PLXNC1: variants seen among roughly 807,000 people sequenced by gnomAD.
PLXNC1 encodes plexin-C1.
PLXNC1 carries 75 observed loss-of-function variants against 178.2 expected under a neutral mutation model. The ratio of observed to expected loss-of-function variants is 0.42; its 90% CI spans 0.35 to 0.51. The LOEUF is 0.51. Ranked by LOEUF, PLXNC1 falls within the 20% of genes least tolerant of loss-of-function variation. The probability of loss-of-function intolerance (pLI) is 0.02; values close to 1 mark genes in which losing one functional copy is unlikely to be tolerated. For missense variants in PLXNC1, 1,503 were observed against 1,984.4 expected (o/e 0.76, Z 4.61); for synonymous variants, 790 against 779.9 (o/e 1.01, Z -0.22).
At chr12:94,286,747 C>T (rs1966848818) in intron 23 of PLXNC1, among the ~76,000 whole-genome samples, 1 of 152,124 alleles carries the variant, frequency 6.6e-6, no homozygotes, top group African/African-American at 2.4e-5. Context: ...GTAGTGACGG[C>T]CAGTTCCTCC....
chr12:94,248,154 T>C, intron 13 of PLXNC1, 48 bp downstream of exon 13: 1 of 1,597,822 alleles, frequency 6.3e-7, no homozygotes, highest in Non-Finnish European at 8.6e-7. Context: ...ACCCCTTGAC[T>C]GGAAAGGTGT....
At chr12:94,188,829 A>G (rs1325064811) in intron 4 of PLXNC1, among the ~76,000 whole-genome samples, 2 of 152,238 alleles carry the variant, frequency 1.3e-5, no homozygotes, top group Non-Finnish European at 2.9e-5. Flanking sequence ...CCTCAGTGGT[A>G]GGAGGGAAGG....
At chr12:94,157,782 C>T (rs1194180661) in intron 1 of PLXNC1, among the ~76,000 whole-genome samples, 3 of 152,284 alleles carry the variant, frequency 2.0e-5, no homozygotes, top group South Asian at 4.1e-4. Flanking sequence ...ATATTTTCGG[C>T]TTTGCAGGCT....
intron 1 of PLXNC1, among the ~76,000 whole-genome samples, chr12:94,160,068 T>C (rs994513700): frequency 3.9e-5 from 6 of 152,142 alleles, no homozygotes; most frequent in Admixed American, 6.5e-5. Flanking sequence ...AGTTGCTAAG[T>C]AGGGAGTTGG....
At chr12:94,198,342 T>A (rs957157653) in intron 4 of PLXNC1, among the ~76,000 whole-genome samples, 6 of 152,058 alleles carry the variant, frequency 3.9e-5, no homozygotes, top group African/African-American at 1.4e-4. Flanking sequence ...TGAGAACACA[T>A]GGACACAGGG....
rs1429589851 is a variant in PLXNC1 at position 94,255,184 on chromosome 12, G to A, written c.2984-9G>A. The stretch of plus-strand genomic sequence containing the variant: ...GTTAAAATATTGCTCTTGGGATTCT[G>A]TTTTGCAGGCTTTGCTGAGCTGCAG... On this transcript the variant is annotated splice_polypyrimidine_tract_variant and intron_variant, in intron 16 of 30. Coordinates refer to ENST00000258526, the MANE Select transcript of PLXNC1 (RefSeq NM_005761.3). The A allele has an allele frequency of 6.2e-7, 1 of 1,605,226 alleles. No homozygotes were observed.
At chr12:94,286,147 T>G (rs190701469) in intron 23 of PLXNC1, among the ~76,000 whole-genome samples, 24 of 152,240 alleles carry the variant, frequency 1.6e-4, no homozygotes, top group Non-Finnish European at 3.5e-4. Flanking sequence ...CGGCCTGTAG[T>G]CACTTCCCGT....
At chr12:94,200,854 G>A (rs1963093924) in intron 4 of PLXNC1, among the ~76,000 whole-genome samples, 1 of 152,186 alleles carries the variant, frequency 6.6e-6, no homozygotes. Context: ...CTGCAAATGT[G>A]TTTTTTATGT....
chr12:94,190,061 G>A (rs1444964805), intron 4 of PLXNC1, among the ~76,000 whole-genome samples: 5 of 152,140 alleles, frequency 3.3e-5, no homozygotes, highest in Non-Finnish European at 7.4e-5. Context: ...TCCAGAAGAG[G>A]CTGCAAGACA....
At chr12:94,183,619 C>T (rs894000719) in intron 3 of PLXNC1, among the ~76,000 whole-genome samples, 13 of 152,206 alleles carry the variant, frequency 8.5e-5, no homozygotes, top group African/African-American at 3.1e-4. Flanking sequence ...GCGTGTTTTT[C>T]CATTCAGCTG....
At chr12:94,185,287 G>A (rs763331337) in intron 3 of PLXNC1, among the ~76,000 whole-genome samples, 7 of 152,214 alleles carry the variant, frequency 4.6e-5, no homozygotes, top group Non-Finnish European at 7.3e-5. Context: ...TCCAGCTCAG[G>A]ATAGTCCTTG....
At chr12:94,193,375 G>A (rs1384427917) in intron 4 of PLXNC1, among the ~76,000 whole-genome samples, 1 of 152,132 alleles carries the variant, frequency 6.6e-6, no homozygotes, top group Non-Finnish European at 1.5e-5. Context: ...AGTGGTGAGG[G>A]AAGGAAGTGG....
At chr12:94,275,929 CAT>C (rs1965925935) in intron 21 of PLXNC1, among the ~76,000 whole-genome samples, 1 of 147,982 alleles carries the variant, frequency 6.8e-6, no homozygotes, top group Non-Finnish European at 1.5e-5. Context: ...AAAATGAACA[CAT>C]ATCAATTTAT....
chr12:94,240,155 T>G (rs1442468124), intron 10 of PLXNC1, among the ~76,000 whole-genome samples: 1 of 152,218 alleles, frequency 6.6e-6, no homozygotes, highest in African/African-American at 2.4e-5. Flanking sequence ...CTCAACAGAA[T>G]TATCCACAAT....
At chr12:94,190,406 G>GT (rs959281700) in intron 4 of PLXNC1, among the ~76,000 whole-genome samples, 7 of 151,992 alleles carry the variant, frequency 4.6e-5, no homozygotes, top group Admixed American at 2.0e-4. Context: ...CCATGCCCAG[G>GT]TTTTTTTTGT....
chr12:94,253,160 G>A (rs1010490594), intron 15 of PLXNC1, among the ~76,000 whole-genome samples: 9 of 134,648 alleles, frequency 6.7e-5, no homozygotes, highest in Non-Finnish European at 1.1e-4. Context: ...GCAGTGAGCC[G>A]AGATCGTGCC....
At chr12:94,258,887 CCT>C (rs1053017786) in intron 17 of PLXNC1, among the ~76,000 whole-genome samples, 4 of 152,212 alleles carry the variant, frequency 2.6e-5, no homozygotes, top group East Asian at 3.8e-4. Context: ...TTAACTACCC[CCT>C]GTCTTTCAAT....
chr12:94,235,472 G>A (rs568174714), intron 9 of PLXNC1, among the ~76,000 whole-genome samples: 61 of 152,284 alleles, frequency 4.0e-4, no homozygotes, highest in African/African-American at 1.4e-3. Flanking sequence ...GGACTATCTA[G>A]AAAGAAAAGA....
Position 94,265,135 on chromosome 12 carries a change from C to A in PLXNC1, c.3507C>A (p.Asn1169Lys). The part of the protein sequence containing the change: ...LLVTTLNQKI[N>K]KGPVDVITCK... ...TGACGACTCTGAACCAGAAAATTAA[C>A]AAGGGTCCCGTGGATGTAATCACTT... Residue 1169 changes from asparagine to lysine, a missense_variant, in exon 21 of 31, where the codon AAC (asparagine) becomes AAA (lysine). By Grantham distance (94) the Asn-to-Lys change is moderately conservative. Transcript: ENST00000258526. 1 of 1,614,070 alleles carries A rather than the reference C, an allele frequency of 6.2e-7. No individual in the cohort carries two copies. Among genetic ancestry groups the A allele is most frequent in the Non-Finnish European group, 8.5e-7 (1 of 1,179,946 alleles).
Sources: gnomAD v4.1 joint callset for allele counts (sites outside exome capture counted in the v4.1 genomes callset) on GRCh38, gnomAD v4.1.1 for gene constraint, MANE v1.5 for transcripts, NCBI Gene and HGNC (gene_info 2026-07-23, HGNC 2026-07-21) for gene names.